ZMIZ1: variants seen among roughly 807,000 people sequenced by gnomAD.
The protein encoded by ZMIZ1 is zinc finger MIZ domain-containing protein 1.
ZMIZ1 carries 17 observed loss-of-function variants against 113.9 expected under a neutral mutation model. That is an observed-to-expected ratio of 0.15 (90% CI 0.10 to 0.22). ZMIZ1 has a LOEUF of 0.22. ZMIZ1 is among the 10% of genes least tolerant of loss of function. The pLI, the probability that ZMIZ1 is intolerant of heterozygous loss-of-function variation, is 1.00. For synonymous variants in ZMIZ1, 607 were observed against 603.1 expected (o/e 1.01, Z -0.09); for missense variants, 1,059 against 1,477.8 (o/e 0.72, Z 4.65).
intron 1 of ZMIZ1, among the ~76,000 whole-genome samples, chr10:79,109,212 T>C (rs1843654553): frequency 6.6e-6 from 1 of 152,164 alleles, no homozygotes; most frequent in Non-Finnish European, 1.5e-5. Context: ...TGTCCCAGTG[T>C]GGATGTGCAT....
chr10:79,309,575 C>T (rs552567277), intron 23 of ZMIZ1, among the ~76,000 whole-genome samples: 16 of 152,288 alleles, frequency 1.1e-4, no homozygotes, highest in East Asian at 3.9e-4. Flanking sequence ...TCCCTAAGGC[C>T]GCATGGGGTT....
At chr10:79,246,430 A>T (rs1421401822) in intron 7 of ZMIZ1, among the ~76,000 whole-genome samples, 2 of 151,366 alleles carry the variant, frequency 1.3e-5, no homozygotes, top group Non-Finnish European at 2.9e-5. Context: ...CTCTCTGGGC[A>T]AGGGAGGTGT....
chr10:79,089,851 C>A (rs906842014), intron 1 of ZMIZ1, among the ~76,000 whole-genome samples: 2 of 151,364 alleles, frequency 1.3e-5, no homozygotes, highest in Non-Finnish European at 2.9e-5. Flanking sequence ...TGTGCCCTTA[C>A]AAGCTCCTGG....
At chr10:79,180,705 A>C (rs1330392886) in intron 4 of ZMIZ1, among the ~76,000 whole-genome samples, 2 of 152,164 alleles carry the variant, frequency 1.3e-5, no homozygotes, top group African/African-American at 2.4e-5. Context: ...CATGTGACCC[A>C]GACAATGGGG....
intron 1 of ZMIZ1, among the ~76,000 whole-genome samples, chr10:79,089,433 C>T (rs541612683): frequency 9.2e-5 from 14 of 152,318 alleles, no homozygotes; most frequent in Admixed American, 2.6e-4. Flanking sequence ...GTGCCTTCTC[C>T]GGTTTGCTCT....
intron 7 of ZMIZ1, among the ~76,000 whole-genome samples, chr10:79,260,530 C>G (rs1261621715): frequency 2.0e-5 from 3 of 152,170 alleles, no homozygotes; most frequent in Non-Finnish European, 2.9e-5. Context: ...TAGAATAACC[C>G]TGGAAGGAAA....
intron 4 of ZMIZ1, among the ~76,000 whole-genome samples, chr10:79,183,343 G>A (rs1847203305): frequency 6.9e-6 from 1 of 144,676 alleles, no homozygotes; most frequent in African/African-American, 2.7e-5. Context: ...GCACAGGCCT[G>A]AGGCTCGTGC....
At chr10:79,139,557 G>C in intron 2 of ZMIZ1, 125 bp from the exon 3 acceptor site, 1 of 396,972 alleles carries the variant, frequency 2.5e-6, no homozygotes, top group Non-Finnish European at 4.4e-6. Flanking sequence ...AGGCATCCCG[G>C]GGTGTGCTTA....
Position 79,307,534 on chromosome 10 carries a change from C to T in ZMIZ1, c.2798C>T (p.Ala933Val), listed in dbSNP as rs529610301. The part of the protein sequence containing the change: ...HPPDMPNNMA[A>V]LEKPLSHPMQ... Reference sequence around the variant, plus strand: ...CCGGACATGCCCAACAACATGGCCGCCCTCGAGAAACCCCTCAGCCACCCC... The same window carrying T: ...CCGGACATGCCCAACAACATGGCCGTCCTCGAGAAACCCCTCAGCCACCCC... Residue 933 changes from alanine to valine, a missense_variant, in exon 23 of 25, where the codon GCC becomes GTC. Physicochemically the swap from Ala to Val is moderately conservative, Grantham distance 64. Transcript: ENST00000334512. 6.2e-7 allele frequency: 1 copy of T among 1,611,220 alleles called. No individual in the cohort carries two copies. The highest frequency in any genetic ancestry group is 1.7e-5 in the Admixed American group (1 of 59,774).
At chr10:79,072,270 G>A (rs528565554) in intron 1 of ZMIZ1, among the ~76,000 whole-genome samples, 6 of 152,236 alleles carry the variant, frequency 3.9e-5, no homozygotes, top group African/African-American at 9.6e-5. Flanking sequence ...CCTCACGCAC[G>A]CGCGCACGCA....
intron 4 of ZMIZ1, among the ~76,000 whole-genome samples, chr10:79,171,213 G>A (rs1846586125): frequency 1.3e-5 from 2 of 152,250 alleles, no homozygotes; most frequent in African/African-American, 4.8e-5. Context: ...TGAAAAAGCT[G>A]GCCCTGTCCT....
chr10:79,134,964 A>G (rs1844936966), intron 2 of ZMIZ1, among the ~76,000 whole-genome samples: 1 of 152,016 alleles, frequency 6.6e-6, no homozygotes, highest in African/African-American at 2.4e-5. Flanking sequence ...GATTACAGGC[A>G]TGCGCCACCA....
intron 7 of ZMIZ1, among the ~76,000 whole-genome samples, chr10:79,252,291 G>A (rs749039011): frequency 8.5e-5 from 13 of 152,062 alleles, no homozygotes; most frequent in East Asian, 5.8e-4. Flanking sequence ...TTTACATGGC[G>A]GTGTACCTTC....
At chr10:79,208,109 C>T (rs879637036) in intron 5 of ZMIZ1, among the ~76,000 whole-genome samples, 57 of 12,614 alleles carry the variant, frequency 4.5e-3, no homozygotes, top group African/African-American at 7.3e-3. Context: ...GGAGGTGGAT[C>T]GGGGAGGTGG....
At chr10:79,187,793 G>A (rs558145999) in intron 4 of ZMIZ1, among the ~76,000 whole-genome samples, 2 of 152,198 alleles carry the variant, frequency 1.3e-5, no homozygotes, top group African/African-American at 4.8e-5. Flanking sequence ...CCAGGGCAGC[G>A]CCTGGAGAAT....
In ZMIZ1 at chr10:79,305,517, C is replaced by G. The variant is rs2296423; in HGVS notation, c.2355-16C>G. On this transcript the variant is annotated splice_polypyrimidine_tract_variant and intron_variant, in intron 20 of 24. Coordinates refer to ENST00000334512, the MANE Select transcript of ZMIZ1 (RefSeq NM_020338.4). ...GGTCCTGGAGCAGAGGCCAAGCTCC[C>G]CATCTCCTTTTCCAGTAAAACCGCT... The G allele has an allele frequency of 3.2e-4, 516 of 1,614,116 alleles. 4 individuals are homozygous for G. The East Asian group carries it at 9.7e-3, about 30-fold the overall frequency.
intron 7 of ZMIZ1, among the ~76,000 whole-genome samples, chr10:79,244,557 G>A (rs1850078821): frequency 1.3e-5 from 2 of 152,202 alleles, no homozygotes; most frequent in South Asian, 4.1e-4. Context: ...GGTTTCAGGA[G>A]ACTGTCATTC....
chr10:79,292,349 A>G lies in ZMIZ1; in HGVS notation c.950A>G (p.Tyr317Cys), dbSNP rs760259941. The G allele has an allele frequency of 6.2e-7, 1 of 1,607,116 alleles. No individual in the cohort carries two copies. Among genetic ancestry groups the G allele is most frequent in the East Asian group, 2.2e-5 (1 of 44,666 alleles). The change falls in exon 11 of 25, where the codon TAT (tyrosine) becomes TGT (cysteine). Residue 317 changes from tyrosine (Y) to cysteine (C), a missense_variant. This residue lies in a region of ZMIZ1 where 83 missense variants were observed against 103.7 expected (regional missense o/e 0.80). Coordinates refer to ENST00000334512, the MANE Select transcript of ZMIZ1 (RefSeq NM_020338.4). ...QETQNKDINQ[Y>C]GPMGPTQAYN... The stretch of plus-strand genomic sequence containing the variant: ...ACACAGAACAAGGATATAAACCAGT[A>G]TGGACCGGTAAGGGTTCCCACTAAT...
At chr10:79,245,492 T>C (rs1850137801) in intron 7 of ZMIZ1, among the ~76,000 whole-genome samples, 1 of 152,098 alleles carries the variant, frequency 6.6e-6, no homozygotes, top group African/African-American at 2.4e-5. Context: ...GAAGGCTGGT[T>C]GGGTGTGTTT....
Sources: allele counts gnomAD v4.1 joint callset (sites outside exome capture counted in the v4.1 genomes callset), GRCh38; gene constraint gnomAD v4.1.1; regional missense constraint gnomAD v4.1.1; transcripts MANE v1.5; gene names NCBI Gene and HGNC (gene_info 2026-07-23, HGNC 2026-07-21).